The following GPM6A variants were observed in gnomAD, a reference collection of about 807,000 sequenced individuals.
GPM6A encodes the protein neuronal membrane glycoprotein M6-a.
GPM6A carries 7 observed loss-of-function variants against 32.1 expected under a neutral mutation model. That is an observed-to-expected ratio of 0.22 (90% CI 0.12 to 0.41). The LOEUF is 0.41. Among genes scored for constraint, GPM6A ranks in the 10% least tolerant of loss-of-function variants. The pLI is 1.00. For missense variants in GPM6A, 235 were observed against 347.2 expected (o/e 0.68, Z 2.57); for synonymous variants, 130 against 123.4 (o/e 1.05, Z -0.35).
At chr4:175,680,752 T>C (rs1445199185) in intron 2 of GPM6A, among the ~76,000 whole-genome samples, 2 of 152,220 alleles carry the variant, frequency 1.3e-5, no homozygotes, top group African/African-American at 2.4e-5. Context: ...TTGATTATCT[T>C]TACTGTGTTT....
chr4:175,890,500 T>TTTATC (rs1313931773), intron 1 of GPM6A, among the ~76,000 whole-genome samples: 2 of 89,110 alleles, frequency 2.2e-5, no homozygotes, highest in East Asian at 9.1e-4. Flanking sequence ...TTTATTTTAT[T>TTTATC]TTATTTTATT....
intron 6 of GPM6A, among the ~76,000 whole-genome samples, chr4:175,637,280 ATTATAT>A (rs1560841906): frequency 3.1e-4 from 18 of 57,488 alleles, no homozygotes; most frequent in Non-Finnish European, 4.8e-4. Context: ...TATATTATAT[ATTATAT>A]AAAATATATA....
chr4:175,673,016 A>C (rs2110982417), intron 3 of GPM6A, among the ~76,000 whole-genome samples: 1 of 152,324 alleles, frequency 6.6e-6, no homozygotes, highest in Non-Finnish European at 1.5e-5. Flanking sequence ...ACATAACATT[A>C]GAAAAAAGGA....
At chr4:175,808,686 G>A (rs150157621) in intron 1 of GPM6A, 1 of 152,356 alleles carries the variant, frequency 6.6e-6, no homozygotes, top group African/African-American at 2.4e-5. Context: ...CGGGGCTTTG[G>A]TGTTGGAAAA....
intron 1 of GPM6A, among the ~76,000 whole-genome samples, chr4:175,785,453 T>C (rs1733763546): frequency 6.6e-6 from 1 of 152,200 alleles, no homozygotes; most frequent in South Asian, 2.1e-4. Context: ...GGTATTTTGT[T>C]ATGCATCATG....
At chr4:175,760,351 G>GAAGAAGCAGGTGTATAAGATGTAT in intron 1 of GPM6A, among the ~76,000 whole-genome samples, 1 of 152,124 alleles carries the variant, frequency 6.6e-6, no homozygotes, top group Non-Finnish European at 1.5e-5. Context: ...AATTCAAAAT[G>GAAGAAGCAGGTGTATAAGATGTAT]AAGAAGCAGG....
At chr4:175,780,758 C>T (rs1733585443) in intron 1 of GPM6A, among the ~76,000 whole-genome samples, 1 of 152,108 alleles carries the variant, frequency 6.6e-6, no homozygotes, top group Non-Finnish European at 1.5e-5. Context: ...TTTAGAGAAG[C>T]AAGAAAACTA....
chr4:175,636,528 G>T (rs1292063746), intron 6 of GPM6A, among the ~76,000 whole-genome samples: 1 of 150,660 alleles, frequency 6.6e-6, no homozygotes, highest in Non-Finnish European at 1.5e-5. Context: ...AGGTGCGGTG[G>T]CTCACGCCTG....
chr4:175,719,205 T>G (rs940889607), intron 1 of GPM6A, among the ~76,000 whole-genome samples: 6 of 38,270 alleles, frequency 1.6e-4, no homozygotes, highest in South Asian at 1.2e-3. Flanking sequence ...TAACACAACT[T>G]TTTTTTTTTT....
intron 1 of GPM6A, among the ~76,000 whole-genome samples, chr4:175,941,576 T>C (rs974703249): frequency 1.6e-4 from 25 of 152,176 alleles, no homozygotes; most frequent in African/African-American, 6.0e-4. Context: ...TGGTGTGTGA[T>C]GTTCCCCTCT....
At position 175,669,525 on chromosome 4, in the gene GPM6A, A is replaced by G. The variant is rs1393294038; in HGVS notation, c.387+4155T>C. ...TTGAGCATCACGTTGACGCTCAAAA[A>G]GTTTCACATTTTGGAGCATTTCAGA... On this transcript the variant is annotated intron_variant, in intron 3 of 6. Transcript: ENST00000393658. 1.3e-5 allele frequency among the ~76,000 whole-genome samples: 2 copies of G among 152,326 alleles called. 1 individual carries two copies. The highest frequency in any genetic ancestry group is 4.1e-4 in the South Asian group (2 of 4,832).
chr4:175,914,511 C>T (rs1329981381), intron 1 of GPM6A, among the ~76,000 whole-genome samples: 2 of 152,250 alleles, frequency 1.3e-5, no homozygotes, highest in Non-Finnish European at 2.9e-5. Flanking sequence ...TGAGTAGAGA[C>T]AGGGTTTCAT....
chr4:175,978,832 T>G (rs764400668), intron 1 of GPM6A, among the ~76,000 whole-genome samples: 1 of 152,196 alleles, frequency 6.6e-6, no homozygotes, highest in African/African-American at 2.4e-5. Context: ...GTGAGTCTGA[T>G]GCATTAGTGA....
chr4:175,772,816 C>T (rs1733244400), intron 1 of GPM6A, among the ~76,000 whole-genome samples: 1 of 152,062 alleles, frequency 6.6e-6, no homozygotes, highest in African/African-American at 2.4e-5. Flanking sequence ...GAAAGATACT[C>T]ATTACAGAGT....
intron 1 of GPM6A, among the ~76,000 whole-genome samples, chr4:175,821,205 A>C (rs934177397): frequency 6.6e-6 from 1 of 152,182 alleles, no homozygotes; most frequent in African/African-American, 2.4e-5. Context: ...AGTATTAATT[A>C]TATATCTTAA....
chr4:175,803,092 C>T (rs1474347380), intron 1 of GPM6A, among the ~76,000 whole-genome samples: 8 of 152,026 alleles, frequency 5.3e-5, no homozygotes, highest in African/African-American at 1.7e-4. Flanking sequence ...CAATTGACCT[C>T]TTCTTCTTCC....
chr4:175,707,190 T>C (rs1745241607), intron 1 of GPM6A, among the ~76,000 whole-genome samples: 1 of 152,232 alleles, frequency 6.6e-6, no homozygotes, highest in South Asian at 2.1e-4. Flanking sequence ...TCCCTTTACT[T>C]TCTTAATAAA....
intron 3 of GPM6A, among the ~76,000 whole-genome samples, chr4:175,662,373 G>A (rs1742475608): frequency 6.6e-6 from 1 of 152,132 alleles, no homozygotes; most frequent in African/African-American, 2.4e-5. Flanking sequence ...GCTGAGGTGG[G>A]TGGATCACCT....
At chr4:175,773,555 C>T (rs1478391845) in intron 1 of GPM6A, among the ~76,000 whole-genome samples, 1 of 151,782 alleles carries the variant, frequency 6.6e-6, no homozygotes, top group African/African-American at 2.4e-5. Context: ...AAGAATAATG[C>T]TAAATAATAC....
Sources: gnomAD v4.1 joint callset for allele counts (sites outside exome capture counted in the v4.1 genomes callset) on GRCh38, gnomAD v4.1.1 for gene constraint, MANE v1.5 for transcripts, NCBI Gene and HGNC (gene_info 2026-07-23, HGNC 2026-07-21) for gene names.